The following MYO18B variants were observed in gnomAD, a reference collection of about 807,000 sequenced individuals.
MYO18B encodes unconventional myosin-XVIIIb.
In MYO18B, 204 loss-of-function variants were observed where a neutral mutation model predicts 273.0. The observed-to-expected ratio is 0.75, with a 90% CI of 0.67 to 0.84. The LOEUF is 0.84. Among genes scored for constraint, MYO18B ranks in the 40% least tolerant of loss-of-function variants. The pLI, the probability that MYO18B is intolerant of heterozygous loss-of-function variation, is 0.00. For missense variants in MYO18B, 3,212 were observed against 3,287.6 expected (o/e 0.98, Z 0.56); for synonymous variants, 1,330 against 1,305.7 (o/e 1.02, Z -0.40).
In MYO18B at chr22:25,890,825, A is replaced by C; in HGVS notation, c.4384A>C (p.Ser1462Arg). Reference protein sequence around the residue: ...KGDVACQVLESERAERLQAFR... With the variant: ...KGDVACQVLERERAERLQAFR... ...TGATGTGGCCTGCCAGGTGCTGGAGAGTGAGCGGGCAGAGCGGCTACAGGC... is the reference window on the plus strand; with the variant it reads ...TGATGTGGCCTGCCAGGTGCTGGAGCGTGAGCGGGCAGAGCGGCTACAGGC... Residue 1462 changes from serine (S) to arginine (R), a missense_variant, in exon 26 of 44, where the codon AGT (serine) becomes CGT (arginine). Ser to Arg is a moderately radical substitution (Grantham distance 110). Transcript: ENST00000335473. 1 of 1,613,868 alleles carries C rather than the reference A, an allele frequency of 6.2e-7. No individual in the cohort carries two copies. The highest frequency in any genetic ancestry group is 8.5e-7 in the Non-Finnish European group (1 of 1,179,878).
At chr22:25,859,535 C>G (rs1361805176) in intron 21 of MYO18B, among the ~76,000 whole-genome samples, 1 of 152,082 alleles carries the variant, frequency 6.6e-6, no homozygotes, top group Non-Finnish European at 1.5e-5. Flanking sequence ...CTTATCAATA[C>G]TTGGAATTGT....
At chr22:25,832,486 C>T (rs2089744495) in intron 15 of MYO18B, among the ~76,000 whole-genome samples, 1 of 151,992 alleles carries the variant, frequency 6.6e-6, no homozygotes, top group African/African-American at 2.4e-5. Context: ...CTGGATGAAC[C>T]CTGAGGACAT....
chr22:25,771,118 T>G (rs713816), intron 6 of MYO18B, 134 bp downstream of exon 6: 1 of 671,742 alleles, frequency 1.5e-6, no homozygotes, highest in Admixed American at 2.4e-5. Context: ...CTTGATGCCC[T>G]GGAGGGAGTT....
At chr22:25,841,530 C>A in intron 17 of MYO18B, among the ~76,000 whole-genome samples, 1 of 151,756 alleles carries the variant, frequency 6.6e-6, no homozygotes, top group East Asian at 2.1e-4. Context: ...GACCTGTGGC[C>A]TCATCCTGCT....
chr22:26,002,437 G>A (rs1934043160), intron 40 of MYO18B, among the ~76,000 whole-genome samples: 1 of 152,138 alleles, frequency 6.6e-6, no homozygotes, highest in African/African-American at 2.4e-5. Context: ...GTAAATAGAA[G>A]CCCCCAGGGT....
chr22:26,060,651 A>G, the MYO18B span, among the ~76,000 whole-genome samples: 1 of 152,154 alleles, frequency 6.6e-6, no homozygotes, highest in African/African-American at 2.4e-5. Context: ...ACACACATCC[A>G]CACATTTATA....
chr22:25,796,325 C>T (rs1459516749), intron 11 of MYO18B, among the ~76,000 whole-genome samples: 1 of 152,180 alleles, frequency 6.6e-6, no homozygotes, highest in African/African-American at 2.4e-5. Context: ...TGGCTCACGC[C>T]TGTAATCCCA....
intron 39 of MYO18B, among the ~76,000 whole-genome samples, chr22:25,958,389 G>A (rs1337088077): frequency 5.9e-5 from 9 of 152,030 alleles, no homozygotes; most frequent in Non-Finnish European, 1.5e-5. Flanking sequence ...GAAGAACAAA[G>A]CTCCACGAAT....
chr22:25,832,056 C>A (rs2089726548), intron 15 of MYO18B, among the ~76,000 whole-genome samples: 1 of 152,132 alleles, frequency 6.6e-6, no homozygotes, highest in Non-Finnish European at 1.5e-5. Flanking sequence ...CATTGAGACA[C>A]CACCTCCCAC....
At chr22:26,032,896 A>T (rs1936699551), downstream of MYO18B, among the ~76,000 whole-genome samples, 1 of 152,186 alleles carries the variant, frequency 6.6e-6, no homozygotes, top group African/African-American at 2.4e-5. Flanking sequence ...TTCACAATTC[A>T]GCCTGTAACA....
rs767096488 is a variant in MYO18B, at chr22:25,847,661, C to T, written c.3775+9C>T. Reference sequence around the variant, plus strand: ...GCGTCTGCATAGGACAGGTAAGAGACAGCTAGGACACAGCACCTTGTCTCT... The same window carrying T: ...GCGTCTGCATAGGACAGGTAAGAGATAGCTAGGACACAGCACCTTGTCTCT... On this transcript the variant is annotated intron_variant, in intron 20 of 43. Transcript: ENST00000335473. The T allele has an allele frequency of 1.9e-6, 3 of 1,545,564 alleles. No individual in the cohort carries two copies. The Admixed American group carries it at 5.9e-5, about 30-fold the overall frequency.
intron 31 of MYO18B, among the ~76,000 whole-genome samples, chr22:25,905,795 C>G (rs1488796831): frequency 6.6e-6 from 1 of 152,162 alleles, no homozygotes; most frequent in African/African-American, 2.4e-5. Flanking sequence ...TCCTGCCAAC[C>G]ACAGCTATGA....
chr22:25,974,590 G>T (rs1207919873), intron 39 of MYO18B, among the ~76,000 whole-genome samples: 1 of 152,188 alleles, frequency 6.6e-6, no homozygotes, highest in Non-Finnish European at 1.5e-5. Flanking sequence ...TCCGAAGTCT[G>T]TCATTATAGC....
At chr22:26,061,138 C>T in the MYO18B span, among the ~76,000 whole-genome samples, 1 of 152,216 alleles carries the variant, frequency 6.6e-6, no homozygotes, top group Non-Finnish European at 1.5e-5. Flanking sequence ...CCCTGGACTC[C>T]AGTAACACTG....
chr22:25,812,389 C>T (rs1454834678), intron 12 of MYO18B, among the ~76,000 whole-genome samples: 1 of 152,200 alleles, frequency 6.6e-6, no homozygotes, highest in Non-Finnish European at 1.5e-5. Context: ...TGCTTCCACC[C>T]CTTAATGAGG....
At chr22:26,037,191 A>G in the MYO18B span, among the ~76,000 whole-genome samples, 14 of 152,300 alleles carry the variant, frequency 9.2e-5, no homozygotes, top group Middle Eastern at 3.4e-3. Flanking sequence ...GTCTAGGACT[A>G]GGCTTGGGTT....
intron 21 of MYO18B, among the ~76,000 whole-genome samples, chr22:25,866,462 T>G (rs2090888715): frequency 1.3e-5 from 2 of 152,210 alleles, no homozygotes. Flanking sequence ...TGCATGGGGC[T>G]GCTTTTCCTC....
At chr22:25,920,006 C>T (rs1368763553) in intron 33 of MYO18B, among the ~76,000 whole-genome samples, 2 of 152,082 alleles carry the variant, frequency 1.3e-5, no homozygotes, top group East Asian at 3.8e-4. Flanking sequence ...TGAGAAAACT[C>T]AGGTTCAGAG....
chr22:25,744,460 G>T (rs774773361), intron 1 of MYO18B, among the ~76,000 whole-genome samples: 1 of 152,182 alleles, frequency 6.6e-6, no homozygotes, highest in Non-Finnish European at 1.5e-5. Context: ...GGCCGGGCGC[G>T]GGGGCTCACG....
Sources: gnomAD v4.1 joint callset for allele counts (sites outside exome capture counted in the v4.1 genomes callset) on GRCh38, gnomAD v4.1.1 for gene constraint, MANE v1.5 for transcripts, NCBI Gene and HGNC (gene_info 2026-07-23, HGNC 2026-07-21) for gene names.